The following DLGAP1 variants were observed in gnomAD, a reference collection of about 807,000 sequenced individuals.
DLGAP1 encodes DLG associated protein 1.
A neutral mutation model predicts 90.8 loss-of-function variants in DLGAP1; 11 were observed. That is an observed-to-expected ratio of 0.12 (90% confidence interval 0.08 to 0.20). DLGAP1 has a LOEUF of 0.20. DLGAP1 is among the 10% of genes least tolerant of loss of function. DLGAP1 has a pLI of 1.00. For missense variants in DLGAP1, 1,050 were observed against 1,333.8 expected (o/e 0.79, Z 3.31); for synonymous variants, 558 against 540.7 (o/e 1.03, Z -0.44).
At chr18:3,945,337 T>C (rs999994298) in intron 3 of DLGAP1, among the ~76,000 whole-genome samples, 5 of 152,218 alleles carry the variant, frequency 3.3e-5, no homozygotes, top group African/African-American at 1.2e-4. Context: ...ATGAAACATC[T>C]TACAAGATGG....
rs377415226 is a variant in DLGAP1, at chr18:3,980,317, G to C, written c.-73+24799C>G. 9.2e-5 allele frequency among the ~76,000 whole-genome samples: 14 copies of C among 152,236 alleles called. 1 individual carries two copies. Among genetic ancestry groups the C allele is most frequent in the South Asian group, 6.2e-4 (3 of 4,816 alleles). ...GAGTCTTGGCTGGGTGGAGGCGGCA[G>C]GACCTGGGAGGAGCAGCCCAGTTCC... On this transcript the variant is annotated intron_variant, in intron 3 of 12. Coordinates refer to ENST00000315677, the MANE Select transcript of DLGAP1 (RefSeq NM_004746.4).
intron 1 of DLGAP1, among the ~76,000 whole-genome samples, chr18:4,243,115 G>A (rs1284983132): frequency 1.3e-5 from 2 of 152,144 alleles, no homozygotes; most frequent in African/African-American, 4.8e-5. Flanking sequence ...TTGTGCTGTA[G>A]TGTTTAGTAG....
intron 6 of DLGAP1, among the ~76,000 whole-genome samples, chr18:3,732,867 A>C (rs2062493186): frequency 6.6e-6 from 1 of 152,096 alleles, no homozygotes; most frequent in Non-Finnish European, 1.5e-5. Flanking sequence ...GGTACTAGGG[A>C]GATATATTGT....
intron 3 of DLGAP1, chr18:3,897,087 T>C (rs2071643294): frequency 6.6e-6 from 1 of 152,286 alleles, no homozygotes; most frequent in Non-Finnish European, 1.5e-5. Context: ...TCTTCATTTC[T>C]GAGGAGTCCC....
chr18:4,292,602 TTTAA>T (rs1197427175), intron 1 of DLGAP1, among the ~76,000 whole-genome samples: 8 of 152,214 alleles, frequency 5.3e-5, no homozygotes, highest in Non-Finnish European at 1.2e-4. Flanking sequence ...AAGATTGCTC[TTTAA>T]TTATGTCTTT....
rs78060936 is a variant in DLGAP1, at chr18:4,127,001, C to A, written c.-159+24179G>T. Among the ~76,000 whole-genome samples the A allele has an allele frequency of 2.2e-3, 339 of 152,260 alleles. 4 individuals are homozygous for A. In the East Asian group the frequency reaches 0.05, roughly 22 times the overall value. On this transcript the variant is annotated intron_variant, in intron 2 of 12. Transcript: ENST00000315677. ...TTATAGCACTAACCCTTCAGTTCTG[C>A]CTTAAGATCAGATTTGCATAATCAT...
intron 3 of DLGAP1, among the ~76,000 whole-genome samples, chr18:4,002,207 C>G (rs376464891): frequency 1.3e-5 from 2 of 152,142 alleles, no homozygotes; most frequent in South Asian, 2.1e-4. Flanking sequence ...AAAATTTTAG[C>G]AACGAAACTT....
intron 7 of DLGAP1, among the ~76,000 whole-genome samples, chr18:3,589,718 G>A (rs948812307): frequency 1.3e-5 from 2 of 152,106 alleles, no homozygotes; most frequent in African/African-American, 4.8e-5. Flanking sequence ...AAGTGGCAGC[G>A]CCTACACAGA....
At chr18:4,091,607 C>A (rs949141836) in intron 2 of DLGAP1, among the ~76,000 whole-genome samples, 1 of 152,108 alleles carries the variant, frequency 6.6e-6, no homozygotes, top group African/African-American at 2.4e-5. Context: ...ATCTATTGAC[C>A]TATTAAGTTC....
At chr18:4,180,407 C>A (rs940134743) in intron 1 of DLGAP1, among the ~76,000 whole-genome samples, 1 of 152,060 alleles carries the variant, frequency 6.6e-6, no homozygotes, top group African/African-American at 2.4e-5. Flanking sequence ...TACACTTTCC[C>A]AAAATTCCAC....
intron 6 of DLGAP1, among the ~76,000 whole-genome samples, chr18:3,738,631 G>A (rs1055822051): frequency 4.6e-5 from 7 of 152,000 alleles, no homozygotes; most frequent in African/African-American, 1.7e-4. Context: ...AATTCAAGAT[G>A]AATTAAAGAC....
chr18:3,563,562 C>T (rs981011914), intron 9 of DLGAP1, among the ~76,000 whole-genome samples: 2 of 151,936 alleles, frequency 1.3e-5, no homozygotes, highest in Admixed American at 1.3e-4. Flanking sequence ...CTCCGCCTCC[C>T]AAGTTCAAGC....
At chr18:3,828,429 C>T (rs935145112) in intron 4 of DLGAP1, among the ~76,000 whole-genome samples, 1 of 152,108 alleles carries the variant, frequency 6.6e-6, no homozygotes, top group South Asian at 2.1e-4. Context: ...TGCTTGAGCC[C>T]AGGTGTTTGA....
intron 2 of DLGAP1, among the ~76,000 whole-genome samples, chr18:4,013,426 C>T (rs891619507): frequency 6.6e-6 from 1 of 152,068 alleles, no homozygotes; most frequent in African/African-American, 2.4e-5. Context: ...ACAGTCTGAC[C>T]CTACAGTCTT....
intron 1 of DLGAP1, among the ~76,000 whole-genome samples, chr18:4,445,838 A>C (rs935235650): frequency 6.6e-6 from 1 of 152,136 alleles, no homozygotes; most frequent in African/African-American, 2.4e-5. Flanking sequence ...GTAGTCATAA[A>C]ATGTGTGCTG....
chr18:3,846,042 T>TA (rs1211040335), intron 4 of DLGAP1, among the ~76,000 whole-genome samples: 2 of 90,998 alleles, frequency 2.2e-5, no homozygotes, highest in Non-Finnish European at 4.3e-5. Flanking sequence ...ATTGAAAGTG[T>TA]GGTGTGTGTG....
chr18:4,431,415 T>C (rs570817788), intron 1 of DLGAP1, among the ~76,000 whole-genome samples: 5 of 152,370 alleles, frequency 3.3e-5, no homozygotes, highest in African/African-American at 1.2e-4. Context: ...ATTTTATAAC[T>C]GACTTAGTCA....
chr18:3,883,560 T>A (rs1428358184), intron 3 of DLGAP1, among the ~76,000 whole-genome samples: 1 of 152,264 alleles, frequency 6.6e-6, no homozygotes, highest in African/African-American at 2.4e-5. Flanking sequence ...ACCTAGTATT[T>A]GGCAAAGTGC....
chr18:3,843,382 C>T (rs1233787802), intron 4 of DLGAP1, among the ~76,000 whole-genome samples: 2 of 152,096 alleles, frequency 1.3e-5, no homozygotes, highest in East Asian at 1.9e-4. Flanking sequence ...GTAGCAATTG[C>T]GGATAAAAAG....
Sources: gnomAD v4.1 joint callset for allele counts (sites outside exome capture counted in the v4.1 genomes callset) on GRCh38, gnomAD v4.1.1 for gene constraint, MANE v1.5 for transcripts, NCBI Gene and HGNC (gene_info 2026-07-23, HGNC 2026-07-21) for gene names.